The following SGCD variants were observed in gnomAD, a reference collection of about 807,000 sequenced individuals.
SGCD encodes delta-sarcoglycan.
A neutral mutation model predicts 36.6 loss-of-function variants in SGCD; 18 were observed. That is an observed-to-expected ratio of 0.49 (90% CI 0.34 to 0.73). SGCD has a LOEUF of 0.73. Ranked by LOEUF, SGCD falls within the 30% of genes least tolerant of loss-of-function variation. The pLI, the probability that SGCD is intolerant of heterozygous loss-of-function variation, is 0.01. For synonymous variants in SGCD, 133 were observed against 130.6 expected (o/e 1.02, Z -0.12); for missense variants, 387 against 346.7 (o/e 1.12, Z -0.92).
chr5:156,528,462 ATTGT>A (rs1450700407), intron 4 of SGCD, among the ~76,000 whole-genome samples: 1 of 152,158 alleles, frequency 6.6e-6, no homozygotes, highest in Non-Finnish European at 1.5e-5. Flanking sequence ...AGGAAAACAA[ATTGT>A]TTGAATGAAT....
chr5:156,334,365 GC>G (rs1768219093), intron 2 of SGCD, among the ~76,000 whole-genome samples: 2 of 152,322 alleles, frequency 1.3e-5, no homozygotes, highest in African/African-American at 4.8e-5. Flanking sequence ...CATTAAATCT[GC>G]GATCAGATGT....
intron 6 of SGCD, among the ~76,000 whole-genome samples, chr5:156,644,907 G>A (rs1763170574): frequency 1.4e-5 from 2 of 147,154 alleles, no homozygotes; most frequent in African/African-American, 5.0e-5. Context: ...ATTACTTATG[G>A]CAGTGGAGTG....
intron 1 of SGCD, among the ~76,000 whole-genome samples, chr5:155,919,887 A>G (rs763659519): frequency 3.9e-5 from 6 of 152,174 alleles, no homozygotes; most frequent in Non-Finnish European, 8.8e-5. Flanking sequence ...CCCTGTCTTG[A>G]AGGAAATTTC....
intron 3 of SGCD, among the ~76,000 whole-genome samples, chr5:156,349,247 AAAT>A (rs1224387263): frequency 6.6e-6 from 1 of 152,054 alleles, no homozygotes; most frequent in Non-Finnish European, 1.5e-5. Context: ...AAACAAAAAT[AAAT>A]AAATGGAACC....
chr5:156,387,720 A>G (rs1771345183), intron 3 of SGCD, among the ~76,000 whole-genome samples: 1 of 152,202 alleles, frequency 6.6e-6, no homozygotes, highest in Non-Finnish European at 1.5e-5. Flanking sequence ...CATTTTCAAT[A>G]AGAAAAGAGG....
At chr5:155,886,531 C>T (rs576326676) in intron 1 of SGCD, among the ~76,000 whole-genome samples, 380 of 151,420 alleles carry the variant, frequency 2.5e-3, no homozygotes, top group African/African-American at 8.5e-3. Flanking sequence ...TGCGTGGGCG[C>T]GTGTGTGTGT....
intron 3 of SGCD, among the ~76,000 whole-genome samples, chr5:156,222,918 T>C (rs1372574947): frequency 6.6e-6 from 1 of 152,106 alleles, no homozygotes; most frequent in Admixed American, 6.6e-5. Context: ...GTTTTACTGA[T>C]TTATTGTTTT....
At chr5:156,021,273 A>G (rs1427656726) in intron 1 of SGCD, among the ~76,000 whole-genome samples, 1 of 152,192 alleles carries the variant, frequency 6.6e-6, no homozygotes, top group African/African-American at 2.4e-5. Context: ...TATTTTTCAA[A>G]TATGTATTGA....
chr5:155,825,728 G>GTTTT, the SGCD span, among the ~76,000 whole-genome samples: 3 of 147,010 alleles, frequency 2.0e-5, no homozygotes, highest in African/African-American at 2.5e-5. Flanking sequence ...TTTATTATTT[G>GTTTT]TTTTTTTTTT....
intron 3 of SGCD, among the ~76,000 whole-genome samples, chr5:156,404,851 A>T (rs1331451057): frequency 6.6e-6 from 1 of 152,192 alleles, no homozygotes; most frequent in African/African-American, 2.4e-5. Context: ...GGCGGTCAAG[A>T]TCCTTGCTCC....
chr5:155,843,717 T>C, the SGCD span, among the ~76,000 whole-genome samples: 1 of 152,104 alleles, frequency 6.6e-6, no homozygotes, highest in African/African-American at 2.4e-5. Context: ...TTCCTGTAAA[T>C]GTAGAGCTGG....
chr5:156,666,879 C>T (rs1202746001), intron 7 of SGCD, among the ~76,000 whole-genome samples: 1 of 152,080 alleles, frequency 6.6e-6, no homozygotes. Flanking sequence ...TCTTGCTTTT[C>T]CCCACAGCAG....
At chr5:156,310,436 C>G (rs1385307324) in intron 3 of SGCD, among the ~76,000 whole-genome samples, 1 of 152,144 alleles carries the variant, frequency 6.6e-6, no homozygotes, top group Non-Finnish European at 1.5e-5. Context: ...CTCCTGAAAG[C>G]TATGTGCAAG....
At chr5:156,422,383 A>G (rs927340690) in intron 3 of SGCD, among the ~76,000 whole-genome samples, 4 of 151,982 alleles carry the variant, frequency 2.6e-5, no homozygotes, top group Non-Finnish European at 4.4e-5. Flanking sequence ...CTCACACGTC[A>G]AAGAAAAGCC....
chr5:156,074,936 A>G (rs1760726871), intron 1 of SGCD, among the ~76,000 whole-genome samples: 2 of 152,230 alleles, frequency 1.3e-5, no homozygotes, highest in Admixed American at 1.3e-4. Context: ...ATGTGCACCC[A>G]GCTTCTAACT....
chr5:155,859,461 T>C, the SGCD span, among the ~76,000 whole-genome samples: 14,492 of 152,218 alleles, frequency 0.095, 874 homozygotes, highest in South Asian at 0.2. Flanking sequence ...TATAGAATCC[T>C]GTAACTATGA....
upstream of SGCD, among the ~76,000 whole-genome samples, chr5:156,323,957 C>T (rs1024108858): frequency 9.2e-5 from 14 of 152,180 alleles, no homozygotes; most frequent in Non-Finnish European, 2.1e-4. Context: ...CCATGCATTT[C>T]GCTAAGTGAT....
upstream of SGCD, among the ~76,000 whole-genome samples, chr5:156,322,249 C>G (rs1162630615): frequency 6.6e-6 from 1 of 152,068 alleles, no homozygotes; most frequent in Non-Finnish European, 1.5e-5. Context: ...TAGTACAATA[C>G]AATATTTTAA....
At chr5:155,758,329 G>A in the SGCD span, among the ~76,000 whole-genome samples, 1 of 152,202 alleles carries the variant, frequency 6.6e-6, no homozygotes, top group Non-Finnish European at 1.5e-5. Flanking sequence ...TAGCTCTGCA[G>A]ATGTATGCTT....
Sources: allele counts gnomAD v4.1 joint callset (sites outside exome capture counted in the v4.1 genomes callset), GRCh38; gene constraint gnomAD v4.1.1; transcripts MANE v1.5; gene names NCBI Gene and HGNC (gene_info 2026-07-23, HGNC 2026-07-21).